The following ZMAT4 variants were observed in gnomAD, a reference collection of about 807,000 sequenced individuals.
ZMAT4 encodes zinc finger matrin-type protein 4.
In ZMAT4, 17 loss-of-function variants were observed where a neutral mutation model predicts 28.7. That is an observed-to-expected ratio of 0.59 (90% CI 0.41 to 0.89). The LOEUF is 0.89. Ranked by LOEUF, ZMAT4 falls within the 40% of genes least tolerant of loss-of-function variation. The pLI is 0.00. For missense variants in ZMAT4, 240 were observed against 283.8 expected (o/e 0.85, Z 1.11); for synonymous variants, 117 against 109.2 (o/e 1.07, Z -0.44).
intron 5 of ZMAT4, among the ~76,000 whole-genome samples, chr8:40,587,208 A>G (rs1804698459): frequency 1.3e-5 from 2 of 152,206 alleles, no homozygotes; most frequent in African/African-American, 4.8e-5. Flanking sequence ...GTAGGCTAAG[A>G]ATATTCTCAA....
chr8:40,752,302 C>T (rs1280338126), intron 3 of ZMAT4, among the ~76,000 whole-genome samples: 4 of 152,192 alleles, frequency 2.6e-5, no homozygotes, highest in African/African-American at 4.8e-5. Context: ...TGCCACTGGG[C>T]TTGCCCTGAC....
intron 5 of ZMAT4, among the ~76,000 whole-genome samples, chr8:40,614,303 A>G (rs905964578): frequency 6.6e-6 from 1 of 152,236 alleles, no homozygotes. Flanking sequence ...ATAACATAAA[A>G]TCCTTGGCTC....
intron 1 of ZMAT4, among the ~76,000 whole-genome samples, chr8:40,887,558 A>AT (rs1818504233): frequency 6.6e-6 from 1 of 151,120 alleles, no homozygotes; most frequent in East Asian, 1.9e-4. Context: ...TTTGGAAAAT[A>AT]CAAAAAAAAA....
intron 3 of ZMAT4, among the ~76,000 whole-genome samples, chr8:40,744,681 T>A (rs2150538195): frequency 6.6e-6 from 1 of 152,258 alleles, no homozygotes; most frequent in South Asian, 2.1e-4. Context: ...TTTGGGTAGT[T>A]TGAGACTTGC....
intron 1 of ZMAT4, among the ~76,000 whole-genome samples, chr8:40,854,205 A>T (rs1817215809): frequency 6.6e-6 from 1 of 152,232 alleles, no homozygotes; most frequent in South Asian, 2.1e-4. Context: ...GACGCATAGT[A>T]AACTATATCA....
At chr8:40,807,049 AG>A (rs1815111301) in intron 2 of ZMAT4, among the ~76,000 whole-genome samples, 1 of 151,224 alleles carries the variant, frequency 6.6e-6, no homozygotes, top group Non-Finnish European at 1.5e-5. Flanking sequence ...CAGAAAAACA[AG>A]CAGAAGGAAC....
chr8:40,831,114 A>G (rs1483681935), intron 1 of ZMAT4, among the ~76,000 whole-genome samples: 1 of 152,232 alleles, frequency 6.6e-6, no homozygotes, highest in African/African-American at 2.4e-5. Context: ...TAGTCGGTGC[A>G]TTGAAATCAT....
At chr8:40,726,107 T>C (rs1563438818) in intron 3 of ZMAT4, among the ~76,000 whole-genome samples, 2 of 152,226 alleles carry the variant, frequency 1.3e-5, no homozygotes, top group Non-Finnish European at 1.5e-5. Flanking sequence ...TGGCTAAATA[T>C]GACAGGCTGG....
intron 2 of ZMAT4, among the ~76,000 whole-genome samples, chr8:40,824,707 A>AAT: frequency 7.2e-6 from 1 of 138,410 alleles, no homozygotes; most frequent in Non-Finnish European, 1.6e-5. Flanking sequence ...AAGAAAGAAA[A>AAT]GAAAGAATGA....
intron 5 of ZMAT4, among the ~76,000 whole-genome samples, chr8:40,656,690 C>T (rs978677465): frequency 6.6e-6 from 1 of 151,958 alleles, no homozygotes; most frequent in Non-Finnish European, 1.5e-5. Flanking sequence ...GTCGAGACTA[C>T]CTTGATTTGA....
chr8:40,561,220 AT>A (rs890504933), intron 6 of ZMAT4, among the ~76,000 whole-genome samples: 189 of 150,436 alleles, frequency 1.3e-3, no homozygotes, highest in African/African-American at 4.2e-3. Flanking sequence ...TATATCTTTA[AT>A]TTTTTTTTTC....
At chr8:40,565,509 T>G (rs1429950) in intron 6 of ZMAT4, among the ~76,000 whole-genome samples, 1 of 150,602 alleles carries the variant, frequency 6.6e-6, no homozygotes, top group African/African-American at 2.4e-5. Context: ...CATGAGTAAC[T>G]GGGGTTACAG....
At chr8:40,643,568 C>T (rs927744869) in intron 5 of ZMAT4, among the ~76,000 whole-genome samples, 1 of 152,006 alleles carries the variant, frequency 6.6e-6, no homozygotes, top group African/African-American at 2.4e-5. Context: ...AGGTCTCTGC[C>T]ATCACAAACT....
intron 5 of ZMAT4, among the ~76,000 whole-genome samples, chr8:40,647,926 A>T (rs1240474376): frequency 6.6e-6 from 1 of 152,218 alleles, no homozygotes; most frequent in Admixed American, 6.5e-5. Context: ...CCATCTGTAC[A>T]TCACCATCAT....
chr8:40,812,684 A>C (rs2150597732), intron 2 of ZMAT4, among the ~76,000 whole-genome samples: 1 of 152,314 alleles, frequency 6.6e-6, no homozygotes, highest in South Asian at 2.1e-4. Flanking sequence ...TAATCCCAGC[A>C]CTTTGGGAGG....
intron 5 of ZMAT4, among the ~76,000 whole-genome samples, chr8:40,594,644 T>G (rs1049959305): frequency 3.9e-5 from 6 of 152,242 alleles, no homozygotes; most frequent in African/African-American, 1.4e-4. Flanking sequence ...AAACTATGAT[T>G]ATTTTTAATC....
intron 3 of ZMAT4, among the ~76,000 whole-genome samples, chr8:40,699,236 T>C (rs1810026264): frequency 1.3e-5 from 2 of 151,282 alleles, no homozygotes; most frequent in African/African-American, 2.4e-5. Context: ...AAATGAGGAG[T>C]AGATTATGCA....
chr8:40,702,261 T>G, intron 3 of ZMAT4, among the ~76,000 whole-genome samples: 1 of 152,162 alleles, frequency 6.6e-6, no homozygotes. Context: ...TCACTTTCAT[T>G]AGAGTATCTT....
intron 2 of ZMAT4, among the ~76,000 whole-genome samples, chr8:40,801,885 C>T (rs534800423): frequency 1.3e-5 from 2 of 152,066 alleles, no homozygotes; most frequent in East Asian, 3.9e-4. Context: ...TACACCACAA[C>T]CAAGTGAGAT....
Sources: allele counts gnomAD v4.1 joint callset (sites outside exome capture counted in the v4.1 genomes callset), GRCh38; gene constraint gnomAD v4.1.1; transcripts MANE v1.5; gene names NCBI Gene and HGNC (gene_info 2026-07-23, HGNC 2026-07-21).